Variants in TBCD observed in about 807,000 individuals in gnomAD.
TBCD encodes the protein tubulin-specific chaperone D.
TBCD carries 105 observed loss-of-function variants against 169.3 expected under a neutral mutation model. That is an observed-to-expected ratio of 0.62 (90% confidence interval 0.53 to 0.73). The LOEUF (loss-of-function observed/expected upper bound fraction) is 0.73, where lower values mean the gene tolerates loss of function less well. Ranked by LOEUF, TBCD falls within the 30% of genes least tolerant of loss-of-function variation. TBCD has a pLI of 0.00. For missense variants in TBCD, 1,444 were observed against 1,600.1 expected, an observed-to-expected ratio of 0.90 and a Z score of 1.66; for synonymous variants, 700 against 643.9, an observed-to-expected ratio of 1.09 and a Z score of -1.32.
intron 22 of TBCD, among the ~76,000 whole-genome samples, chr17:82,911,476 G>T (rs145955334): frequency 6.6e-6 from 1 of 152,170 alleles, no homozygotes; most frequent in Non-Finnish European, 1.5e-5. Context: ...AGAGCTGAGC[G>T]CTGCTTGGAA....
rs1012283264 is a variant in TBCD at position 82,762,576 on chromosome 17, C to T, written c.236-1389C>T. Among the ~76,000 whole-genome samples the T allele has an allele frequency of 2.6e-5, 4 of 151,924 alleles. No individual in the cohort carries two copies. The South Asian group carries it at 6.2e-4, about 24-fold the overall frequency. On this transcript the variant is annotated intron_variant, in intron 2 of 38. Transcript: ENST00000355528. ...CCAGCCTGGGCAACATGGTAAAACC[C>T]CATCTCTACTAAAATACAAAAAATT...
intron 12 of TBCD, among the ~76,000 whole-genome samples, chr17:82,810,543 T>TG (rs72532169): frequency 6.9e-4 from 1 of 1,458 alleles, no homozygotes; most frequent in Non-Finnish European, 1.5e-3. Context: ...TTGTGGGTGG[T>TG]AAGTTGTGGG....
intron 13 of TBCD, among the ~76,000 whole-genome samples, chr17:82,868,970 C>G (rs2057373170): frequency 6.6e-6 from 1 of 151,112 alleles, no homozygotes; most frequent in South Asian, 2.1e-4. Context: ...GTGCAGAGCC[C>G]CGAACGAGAC....
At position 82,807,627 on chromosome 17, in the gene TBCD, GA is replaced by G; in HGVS notation, c.1109del (p.Lys370ArgfsTer74). On this transcript the variant is annotated frameshift_variant, in exon 11 of 39. Coordinates refer to ENST00000355528, the MANE Select transcript of TBCD (RefSeq NM_005993.5). LOFTEE classifies it high-confidence loss of function. ...RVIEQLLVGL[K>X]DKDTVVRWSA... The stretch of plus-strand genomic sequence containing the variant: ...CTACAGAGCAGCTGCTGGTCGGGCT[GA>G]AGGACAAGGACACGGTCGTGCGGTG... 2 of 1,553,016 alleles carry G rather than the reference GA, an allele frequency of 1.3e-6. No homozygotes were observed. Among genetic ancestry groups the G allele is most frequent in the South Asian group, 1.2e-5 (1 of 81,602 alleles).
chr17:82,921,069 C>T (rs759664714), intron 24 of TBCD: 18 of 253,064 alleles, frequency 7.1e-5, no homozygotes, highest in Non-Finnish European at 1.1e-4. Context: ...TGTGGTGTCC[C>T]GGGGCTGTCT....
chr17:82,836,124 G>T (rs545708801), intron 13 of TBCD, among the ~76,000 whole-genome samples: 30 of 152,346 alleles, frequency 2.0e-4, no homozygotes, highest in African/African-American at 7.0e-4. Context: ...TTCTTTATGG[G>T]CTCAGTCCCT....
intron 1 of TBCD, among the ~76,000 whole-genome samples, chr17:82,754,597 T>C (rs1598361128): frequency 6.6e-6 from 1 of 152,234 alleles, no homozygotes; most frequent in Admixed American, 6.5e-5. Context: ...GGCAGTTGAG[T>C]TTTGGGGAAG....
intron 22 of TBCD, among the ~76,000 whole-genome samples, chr17:82,909,726 G>T (rs1447112557): frequency 1.3e-5 from 2 of 152,148 alleles, no homozygotes; most frequent in Non-Finnish European, 2.9e-5. Flanking sequence ...TGTGGGAGGC[G>T]CGTGAGGTTC....
intron 23 of TBCD, chr17:82,918,537 G>C (rs8079905): frequency 6.6e-6 from 1 of 152,004 alleles, no homozygotes; most frequent in African/African-American, 2.4e-5. Flanking sequence ...GCACTCAGTA[G>C]AGTACACTGG....
intron 6 of TBCD, among the ~76,000 whole-genome samples, chr17:82,775,887 A>G (rs1423156369): frequency 4.6e-5 from 7 of 152,108 alleles, no homozygotes; most frequent in African/African-American, 1.7e-4. Flanking sequence ...AACTTAAAGT[A>G]TAATAATAAA....
At chr17:82,802,774 A>G (rs930161680) in intron 9 of TBCD, among the ~76,000 whole-genome samples, 2 of 151,582 alleles carry the variant, frequency 1.3e-5, no homozygotes, top group Admixed American at 6.6e-5. Context: ...ACAGATTCAC[A>G]TGCTGGTCCA....
chr17:82,919,016 TAA>T (rs984374357), intron 23 of TBCD, among the ~76,000 whole-genome samples: 1 of 152,214 alleles, frequency 6.6e-6, no homozygotes, highest in Non-Finnish European at 1.5e-5. Context: ...ACTACCATCA[TAA>T]AAATCCTCGA....
chr17:82,834,251 A>T (rs904845884), intron 13 of TBCD, among the ~76,000 whole-genome samples: 1 of 152,180 alleles, frequency 6.6e-6, no homozygotes, highest in Non-Finnish European at 1.5e-5. Context: ...CCCGTCCCAG[A>T]ACAAAGGCTT....
chr17:82,901,266 C>T (rs564577120), intron 18 of TBCD, among the ~76,000 whole-genome samples: 8 of 152,354 alleles, frequency 5.3e-5, no homozygotes, highest in South Asian at 4.1e-4. Context: ...CTGTGACCGC[C>T]GCCCTGAGGA....
chr17:82,797,324 T>C (rs1323501368), intron 7 of TBCD, among the ~76,000 whole-genome samples: 1 of 152,224 alleles, frequency 6.6e-6, no homozygotes, highest in Non-Finnish European at 1.5e-5. Context: ...TGGTGAAGCA[T>C]GAATGCAGAT....
Position 82,889,536 on chromosome 17 carries a change from C to T in TBCD, c.1534-132C>T. ...TGACGCACCTTGAGGCTCTGTTCAG[C>T]CAACAATGAGGGCTTTTATTTAAAA... On this transcript the variant is annotated intron_variant, in intron 15 of 38. Transcript: ENST00000355528. This position sits in a 1 kb window ranked among gnomAD's most constrained non-coding sequence, Gnocchi z 5.3. The T allele has an allele frequency of 1.9e-6, 2 of 1,077,594 alleles. No individual in the cohort carries two copies. Among genetic ancestry groups the T allele is most frequent in the Non-Finnish European group, 2.7e-6 (2 of 727,900 alleles). 66.8% of individuals were successfully genotyped at this position (1,077,594 alleles called of 1,614,324 possible).
chr17:82,847,180 T>C (rs1224254940), intron 13 of TBCD, among the ~76,000 whole-genome samples: 2 of 151,456 alleles, frequency 1.3e-5, no homozygotes, highest in Non-Finnish European at 3.0e-5. Flanking sequence ...TGAAACCCCG[T>C]CTCTACTAAA....
chr17:82,778,960 C>T (rs575301744), intron 6 of TBCD, among the ~76,000 whole-genome samples: 1 of 152,164 alleles, frequency 6.6e-6, no homozygotes, highest in East Asian at 1.9e-4. Context: ...CTGCGCCCGG[C>T]CATGCCTGGC....
Position 82,778,603 on chromosome 17 carries a change from C to T in TBCD, c.639-2986C>T, listed in dbSNP as rs149171877. Among the ~76,000 whole-genome samples the T allele has an allele frequency of 4.0e-3, 601 of 151,686 alleles. 15 individuals carry two copies. The highest frequency in any genetic ancestry group is 5.2e-3 in the East Asian group (27 of 5,162). On this transcript the variant is annotated intron_variant, in intron 6 of 38. Coordinates refer to ENST00000355528, the MANE Select transcript of TBCD (RefSeq NM_005993.5). ...CCTCCCCAGTAGCTGGGACTGCAGG[C>T]GCATGCCACGACACCCAGCCAATTT...
Sources: allele counts gnomAD v4.1 joint callset (sites outside exome capture counted in the v4.1 genomes callset), GRCh38; gene constraint gnomAD v4.1.1; non-coding constraint Gnocchi (gnomAD v3.1); transcripts MANE v1.5; gene names NCBI Gene and HGNC (gene_info 2026-07-23, HGNC 2026-07-21).